Variants in CENPP observed in about 807,000 individuals in gnomAD.
CENPP encodes the protein centromere protein P.
A neutral mutation model predicts 35.6 loss-of-function variants in CENPP; 24 were observed. That is an observed-to-expected ratio of 0.67 (90% CI 0.49 to 0.95). CENPP has a LOEUF of 0.95. CENPP is among the 40% of genes least tolerant of loss of function. CENPP has a pLI of 0.00. For synonymous variants in CENPP, 120 were observed against 125.5 expected, an observed-to-expected ratio of 0.96 and a Z score of 0.29; for missense variants, 332 against 345.3, an observed-to-expected ratio of 0.96 and a Z score of 0.31.
At chr9:92,457,483 T>G (rs773232869) in intron 5 of CENPP, 5 of 1,598,832 alleles carry the variant, frequency 3.1e-6, no homozygotes, top group Non-Finnish European at 4.3e-6. Flanking sequence ...GAAGGAAGAT[T>G]ATCTGTTGTA....
chr9:92,555,137 G>A lies in CENPP; in HGVS notation c.565-56177G>A, dbSNP rs796919884. ...CTATCTTACAGAATAGTGTCAAAACGATTGGTATCAATTCTTCTTTGAATG... is the reference window on the plus strand; with the variant it reads ...CTATCTTACAGAATAGTGTCAAAACAATTGGTATCAATTCTTCTTTGAATG... On this transcript the variant is annotated intron_variant, in intron 5 of 7. Transcript: ENST00000375587. 6.7e-5 allele frequency among the ~76,000 whole-genome samples: 10 copies of A among 149,092 alleles called. 1 individual carries two copies. The highest frequency in any genetic ancestry group is 6.4e-4 in the South Asian group (3 of 4,700).
At chr9:92,566,081 T>TC (rs1412545245) in intron 5 of CENPP, among the ~76,000 whole-genome samples, 1 of 151,976 alleles carries the variant, frequency 6.6e-6, no homozygotes, top group Non-Finnish European at 1.5e-5. Context: ...GGCAGGTGGA[T>TC]CACGAGGTCA....
chr9:92,405,164 G>A (rs1224105205), intron 5 of CENPP, among the ~76,000 whole-genome samples: 1 of 152,004 alleles, frequency 6.6e-6, no homozygotes, highest in Non-Finnish European at 1.5e-5. Context: ...AGTTTTTGAG[G>A]TTGATAGTAA....
In CENPP at chr9:92,461,905, A is replaced by T. The variant is rs554380817; in HGVS notation, c.564+82046A>T. Among the ~76,000 whole-genome samples, 4 of 152,218 alleles carry T rather than the reference A, an allele frequency of 2.6e-5. No homozygotes were observed. In the East Asian group the frequency reaches 7.7e-4, roughly 29 times the overall value. On this transcript the variant is annotated intron_variant, in intron 5 of 7. Transcript: ENST00000375587. ...AGTTAAGGTTTTTTGTGTTTTTTTTAAAACACCATTATAAACACGGATTTT... is the reference window on the plus strand; with the variant it reads ...AGTTAAGGTTTTTTGTGTTTTTTTTTAAACACCATTATAAACACGGATTTT...
At chr9:92,577,889 A>T (rs1588291244) in intron 5 of CENPP, among the ~76,000 whole-genome samples, 1 of 151,494 alleles carries the variant, frequency 6.6e-6, no homozygotes, top group South Asian at 2.1e-4. Flanking sequence ...ATGCTGGTGC[A>T]CTGCACCCAC....
In CENPP at chr9:92,614,683, TTA is replaced by T. The variant is rs1037515057; in HGVS notation, c.*1538_*1539del. On this transcript the variant is annotated 3_prime_UTR_variant, in exon 8 of 8. Coordinates refer to ENST00000375587, the MANE Select transcript of CENPP (RefSeq NM_001012267.3). ...ATATAATTCCATGGTTTCACTAATA[TTA>T]TATGTTACAATAAGCCTCCATTAGT... 2.0e-5 allele frequency: 3 copies of T among 152,536 alleles called. No homozygotes were observed. Among genetic ancestry groups the T allele is most frequent in the South Asian group, 2.1e-4 (1 of 4,836 alleles). 9.4% of individuals were successfully genotyped at this position (152,536 alleles called of 1,614,324 possible). A position where few individuals can be genotyped will look rare whatever the true frequency, so the allele number is the denominator to read the frequency against.
intron 5 of CENPP, chr9:92,384,623 G>C (rs1191770436): frequency 2.0e-5 from 3 of 152,076 alleles, no homozygotes; most frequent in Admixed American, 2.0e-4. Flanking sequence ...TGAGTAATCA[G>C]AAAGTGTTAC....
intron 5 of CENPP, among the ~76,000 whole-genome samples, chr9:92,447,224 CTAT>C (rs1844575162): frequency 8.0e-6 from 1 of 124,610 alleles, no homozygotes; most frequent in Non-Finnish European, 1.6e-5. Context: ...TACTTTGTTT[CTAT>C]TATTATTACA....
At chr9:92,373,486 G>C (rs1333980912) in intron 4 of CENPP, among the ~76,000 whole-genome samples, 1 of 151,900 alleles carries the variant, frequency 6.6e-6, no homozygotes, top group Non-Finnish European at 1.5e-5. Flanking sequence ...TTTCCTGATT[G>C]TATTGTTTTT....
chr9:92,396,623 G>A (rs766681208), intron 5 of CENPP, among the ~76,000 whole-genome samples: 3 of 150,620 alleles, frequency 2.0e-5, no homozygotes, highest in South Asian at 4.2e-4. Context: ...GGGTACAGTC[G>A]CATGATCATG....
chr9:92,352,470 T>TG (rs1195000030), intron 4 of CENPP, among the ~76,000 whole-genome samples: 1 of 71,376 alleles, frequency 1.4e-5, no homozygotes, highest in Non-Finnish European at 2.3e-5. Context: ...TTAAAGCCTG[T>TG]GTGTGTGTGT....
At chr9:92,548,501 C>T (rs1253975146) in intron 5 of CENPP, among the ~76,000 whole-genome samples, 1 of 152,016 alleles carries the variant, frequency 6.6e-6, no homozygotes. Context: ...AACTTTTCTA[C>T]AACACAAATG....
At chr9:92,503,726 A>T (rs149420183) in intron 5 of CENPP, among the ~76,000 whole-genome samples, 2,653 of 152,236 alleles carry the variant, frequency 0.017, 37 homozygotes, top group Non-Finnish European at 0.024. Flanking sequence ...CCTCTTTGTT[A>T]ATTTTGGTAT....
intron 5 of CENPP, chr9:92,460,464 G>A: frequency 6.4e-7 from 1 of 1,553,214 alleles, no homozygotes; most frequent in Non-Finnish European, 8.9e-7. Context: ...AAAATTTTGG[G>A]AACGTTTACC....
chr9:92,552,190 T>TACAC (rs59704602), intron 5 of CENPP, among the ~76,000 whole-genome samples: 26,156 of 105,124 alleles, frequency 0.25, 6,485 homozygotes, highest in African/African-American at 0.55. Context: ...ATCTATCATA[T>TACAC]ACACACACAC....
intron 5 of CENPP, chr9:92,466,438 G>T (rs1845315102): frequency 9.3e-6 from 15 of 1,609,702 alleles, no homozygotes; most frequent in Non-Finnish European, 1.3e-5. Context: ...TCTGAGTTCT[G>T]CTAATGATTT....
chr9:92,417,058 G>T, intron 5 of CENPP: 2 of 1,614,004 alleles, frequency 1.2e-6, no homozygotes, highest in South Asian at 1.1e-5. Context: ...AACCAAGAAG[G>T]AGTCTTTCCA....
intron 5 of CENPP, among the ~76,000 whole-genome samples, chr9:92,488,173 T>A (rs1451195155): frequency 6.6e-6 from 1 of 152,242 alleles, no homozygotes; most frequent in East Asian, 1.9e-4. Flanking sequence ...AACATCTGTA[T>A]TATTCATTGG....
chr9:92,539,078 AG>A (rs1849254374), intron 5 of CENPP: 2 of 152,210 alleles, frequency 1.3e-5, no homozygotes, highest in South Asian at 4.1e-4. Flanking sequence ...CCGAATAAGG[AG>A]GCTTAAAGCT....
Sources: allele counts gnomAD v4.1 joint callset (sites outside exome capture counted in the v4.1 genomes callset), GRCh38; gene constraint gnomAD v4.1.1; transcripts MANE v1.5; gene names NCBI Gene and HGNC (gene_info 2026-07-23, HGNC 2026-07-21).